Variants in CDC42BPA observed in about 807,000 individuals in gnomAD.
CDC42BPA encodes serine/threonine-protein kinase MRCK alpha.
Under a neutral mutation model 223.5 loss-of-function variants are expected in CDC42BPA, and 80 were observed. The ratio of observed to expected loss-of-function variants is 0.36; its 90% CI spans 0.30 to 0.43. CDC42BPA has a LOEUF of 0.43. Ranked by LOEUF, CDC42BPA falls within the 20% of genes least tolerant of loss-of-function variation. CDC42BPA has a pLI of 1.00. For synonymous variants in CDC42BPA, 694 were observed against 718.6 expected, an observed-to-expected ratio of 0.97 and a Z score of 0.55; for missense variants, 1,743 against 2,099.9, an observed-to-expected ratio of 0.83 and a Z score of 3.32.
rs536807157 is a variant in CDC42BPA, at chr1:227,076,477, G to C, written c.2481-2113C>G. Reference sequence around the variant, plus strand: ...TAGCCACGTTGGCCAGGCTGGTCTTGAACTCCTGACCTCAGGTGATCCACC... The same window carrying C: ...TAGCCACGTTGGCCAGGCTGGTCTTCAACTCCTGACCTCAGGTGATCCACC... On this transcript the variant is annotated intron_variant, in intron 17 of 36. Coordinates refer to ENST00000366766, the MANE Select transcript of CDC42BPA (RefSeq NM_001394014.1). Among the ~76,000 whole-genome samples the C allele has an allele frequency of 2.0e-5, 3 of 152,140 alleles. No individual in the cohort carries two copies. In the East Asian group the frequency reaches 5.8e-4, roughly 29 times the overall value.
At chr1:227,182,679 G>T (rs765972436) in intron 5 of CDC42BPA, among the ~76,000 whole-genome samples, 3 of 152,156 alleles carry the variant, frequency 2.0e-5, no homozygotes, top group Non-Finnish European at 2.9e-5. Context: ...CAGTGTGACT[G>T]GATTGAAGGA....
chr1:227,100,216 T>G (rs749577640), intron 15 of CDC42BPA, among the ~76,000 whole-genome samples: 1 of 152,172 alleles, frequency 6.6e-6, no homozygotes, highest in Non-Finnish European at 1.5e-5. Flanking sequence ...TCTCTCCATC[T>G]TCACTATCAC....
chr1:226,996,335 C>A (rs1661595065), intron 35 of CDC42BPA, among the ~76,000 whole-genome samples: 1 of 152,244 alleles, frequency 6.6e-6, no homozygotes, highest in Non-Finnish European at 1.5e-5. Context: ...TGAGACTTTG[C>A]TGAAGTTGCT....
At chr1:227,048,158 C>A in intron 22 of CDC42BPA, 148 bp from the exon 23 acceptor site, 1 of 459,778 alleles carries the variant, frequency 2.2e-6, no homozygotes, top group Non-Finnish European at 3.9e-6. Context: ...CTCAATAAAG[C>A]TAAAATTCTC....
intron 5 of CDC42BPA, among the ~76,000 whole-genome samples, chr1:227,168,808 C>T (rs1390445610): frequency 6.6e-6 from 1 of 152,062 alleles, no homozygotes; most frequent in East Asian, 1.9e-4. Context: ...CCTGGTGTTT[C>T]TTGAGCATCT....
chr1:227,073,005 T>C (rs1350804368), intron 19 of CDC42BPA, among the ~76,000 whole-genome samples: 1 of 152,120 alleles, frequency 6.6e-6, no homozygotes, highest in Admixed American at 6.5e-5. Flanking sequence ...ACCAAAAGTT[T>C]ATAATCCAAC....
rs770608721 is a variant in CDC42BPA at position 227,112,656 on chromosome 1, T to C, written c.1890+15A>G. Reference sequence around the variant, plus strand: ...ACTATCCCATGGGCACTACAAAATTTGCCTGACTACTAACCTCTTTTTTGG... The same window carrying C: ...ACTATCCCATGGGCACTACAAAATTCGCCTGACTACTAACCTCTTTTTTGG... On this transcript the variant is annotated intron_variant, in intron 13 of 36. Transcript: ENST00000366766. 6.2e-7 allele frequency: 1 copy of C among 1,611,206 alleles called. No individual in the cohort carries two copies. Among genetic ancestry groups the C allele is most frequent in the South Asian group, 1.1e-5 (1 of 90,528 alleles).
At chr1:227,313,956 T>C (rs1334255462) in intron 1 of CDC42BPA, among the ~76,000 whole-genome samples, 1 of 151,378 alleles carries the variant, frequency 6.6e-6, no homozygotes, top group African/African-American at 2.4e-5. Context: ...AGCATCAAAA[T>C]AGTTATCCAT....
At chr1:227,205,279 A>T (rs1672473508) in intron 3 of CDC42BPA, among the ~76,000 whole-genome samples, 1 of 49,550 alleles carries the variant, frequency 2.0e-5, no homozygotes, top group Admixed American at 1.6e-4. Flanking sequence ...AAAAAAAAAA[A>T]AAAAATATAT....
At chr1:227,017,172 A>G (rs559904665) in intron 32 of CDC42BPA, 122 bp from the exon 33 acceptor site, 1 of 816,634 alleles carries the variant, frequency 1.2e-6, no homozygotes, top group Non-Finnish European at 1.8e-6. Context: ...CTGGTTTTTA[A>G]ATGTTGTGTT....
chr1:227,068,703 T>C (rs1677621842), intron 21 of CDC42BPA: 2 of 1,183,414 alleles, frequency 1.7e-6, no homozygotes, highest in Non-Finnish European at 2.2e-6. Flanking sequence ...AAAGGAATCC[T>C]ATTTAACGAA....
chr1:227,191,882 G>A (rs1669770142), intron 5 of CDC42BPA, among the ~76,000 whole-genome samples: 1 of 151,822 alleles, frequency 6.6e-6, no homozygotes, highest in African/African-American at 2.4e-5. Context: ...ACTTTGGGAG[G>A]CTGAGGTGGC....
At chr1:227,203,814 T>G (rs1470489046) in intron 3 of CDC42BPA, among the ~76,000 whole-genome samples, 2 of 152,220 alleles carry the variant, frequency 1.3e-5, no homozygotes, top group African/African-American at 4.8e-5. Flanking sequence ...ACTATTGGGA[T>G]AAACAGGAAC....
intron 3 of CDC42BPA, among the ~76,000 whole-genome samples, chr1:227,200,678 A>T (rs548311176): frequency 6.6e-6 from 1 of 152,294 alleles, no homozygotes; most frequent in South Asian, 2.1e-4. Flanking sequence ...GTTGGAATAA[A>T]CATATTTGTA....
chr1:227,201,105 C>T (rs773290292), intron 3 of CDC42BPA, among the ~76,000 whole-genome samples: 12 of 151,232 alleles, frequency 7.9e-5, no homozygotes, highest in Non-Finnish European at 1.5e-4. Context: ...AAGTATATCC[C>T]GAAGAACCTT....
At chr1:227,079,136 CT>C (rs1479737640) in intron 17 of CDC42BPA, among the ~76,000 whole-genome samples, 1 of 152,140 alleles carries the variant, frequency 6.6e-6, no homozygotes, top group Non-Finnish European at 1.5e-5. Context: ...ATATATTTTA[CT>C]TTTTCCCTTT....
intron 2 of CDC42BPA, among the ~76,000 whole-genome samples, chr1:227,252,338 AAACT>A (rs992193806): frequency 2.6e-5 from 4 of 152,086 alleles, no homozygotes; most frequent in African/African-American, 9.6e-5. Flanking sequence ...AAACCTAGCA[AAACT>A]AATACATACA....
chr1:227,265,264 T>A (rs1684789484), intron 1 of CDC42BPA: 11 of 525,094 alleles, frequency 2.1e-5, no homozygotes, highest in Non-Finnish European at 3.5e-5. Context: ...TTAGTAGCTG[T>A]GAGACCTTGA....
intron 1 of CDC42BPA, among the ~76,000 whole-genome samples, chr1:227,271,474 TCTTC>T (rs1685941019): frequency 6.6e-6 from 1 of 152,076 alleles, no homozygotes; most frequent in African/African-American, 2.4e-5. Flanking sequence ...CCAGTTTCAT[TCTTC>T]AAGTAAACAT....
Sources: allele counts gnomAD v4.1 joint callset (sites outside exome capture counted in the v4.1 genomes callset), GRCh38; gene constraint gnomAD v4.1.1; transcripts MANE v1.5; gene names NCBI Gene and HGNC (gene_info 2026-07-23, HGNC 2026-07-21).